Variants in GDAP2 observed in about 807,000 individuals in gnomAD.
GDAP2 encodes ganglioside induced differentiation associated protein 2.
GDAP2 carries 51 observed loss-of-function variants against 67.0 expected under a neutral mutation model. The observed-to-expected ratio is 0.76, with a 90% CI of 0.61 to 0.96. The LOEUF (loss-of-function observed/expected upper bound fraction) is 0.96. Among genes scored for constraint, GDAP2 ranks in the 40% least tolerant of loss-of-function variants. The probability of loss-of-function intolerance (pLI) is 0.00; values close to 1 mark genes in which losing one functional copy is unlikely to be tolerated. For synonymous variants in GDAP2, 203 were observed against 207.3 expected, an observed-to-expected ratio of 0.98 and a Z score of 0.18; for missense variants, 547 against 588.3, an observed-to-expected ratio of 0.93 and a Z score of 0.73.
At chr1:117,920,509 G>C in intron 1 of GDAP2, 85 bp from the exon 2 acceptor site, 1 of 518,804 alleles carries the variant, frequency 1.9e-6, no homozygotes, top group South Asian at 3.8e-5. Flanking sequence ...AAATTCCACT[G>C]TGAAATATCC....
At chr1:117,889,329 G>C (rs937343072) in intron 8 of GDAP2, among the ~76,000 whole-genome samples, 6 of 151,462 alleles carry the variant, frequency 4.0e-5, no homozygotes, top group African/African-American at 1.5e-4. Context: ...TTTTTGGTGA[G>C]AACAGTTAAA....
Position 117,920,347 on chromosome 1 carries a change from A to G in GDAP2, c.11T>C (p.Leu4Ser). Reference sequence around the variant, plus strand: ...ATCCACAAACTGGGAAGGTGCACCTAAGGGATCCATGGAATGGGAACTTTG... The same window carrying G: ...ATCCACAAACTGGGAAGGTGCACCTGAGGGATCCATGGAATGGGAACTTTG... MDP[L>S]GAPSQFVDVD... Residue 4 changes from leucine (L) to serine (S), a missense_variant, in exon 2 of 14, where the codon TTA becomes TCA. Coordinates refer to ENST00000369443, the MANE Select transcript of GDAP2 (RefSeq NM_017686.4). 1.3e-6 allele frequency: 2 copies of G among 1,596,774 alleles called. No homozygotes were observed. Among genetic ancestry groups the G allele is most frequent in the Non-Finnish European group, 1.7e-6 (2 of 1,172,538 alleles).
Position 117,865,708 on chromosome 1 carries a change from T to C in GDAP2, c.*4861A>G, listed in dbSNP as rs1648033737. 1.3e-5 allele frequency: 2 copies of C among 152,246 alleles called. No homozygotes were observed. Among genetic ancestry groups the C allele is most frequent in the Admixed American group, 6.5e-5 (1 of 15,288 alleles). The allele number at this position is 152,246 out of a possible 1,614,324, so 9.4% of individuals were successfully genotyped here. The stretch of plus-strand genomic sequence containing the variant: ...TTGTTAGTGTAATTCACCTACAGAA[T>C]ACCTATGCTTTTCTTCCTGAACTCA... On this transcript the variant is annotated 3_prime_UTR_variant, in exon 14 of 14. Transcript: ENST00000369443.
At chr1:117,887,407 G>T (rs1433733870) in intron 9 of GDAP2, among the ~76,000 whole-genome samples, 3 of 152,098 alleles carry the variant, frequency 2.0e-5, no homozygotes, top group Non-Finnish European at 4.4e-5. Context: ...TTTACGTAAG[G>T]TTTGAATTTT....
intron 3 of GDAP2, among the ~76,000 whole-genome samples, chr1:117,915,793 T>C (rs1451792896): frequency 6.6e-6 from 1 of 151,666 alleles, no homozygotes; most frequent in African/African-American, 2.4e-5. Flanking sequence ...CAACCCTGCC[T>C]ATTCTAATTT....
chr1:117,876,083 T>C (rs928899280), intron 13 of GDAP2, among the ~76,000 whole-genome samples: 3 of 152,104 alleles, frequency 2.0e-5, no homozygotes, highest in African/African-American at 2.4e-5. Context: ...TTTTGGATAT[T>C]TGACCCTCTA....
intron 1 of GDAP2, among the ~76,000 whole-genome samples, chr1:117,927,598 T>C (rs1432834080): frequency 1.3e-5 from 2 of 152,226 alleles, no homozygotes; most frequent in South Asian, 2.1e-4. Context: ...CATGAGGATA[T>C]GTGTGCATAC....
rs760168079 is a variant in GDAP2 at position 117,899,178 on chromosome 1, C to A, written c.675G>T (p.Arg225Ser). Residue 225 changes from arginine (R) to serine (S), a missense_variant, in exon 7 of 14, where the codon AGG (arginine) becomes AGT (serine). Coordinates refer to ENST00000369443, the MANE Select transcript of GDAP2 (RefSeq NM_017686.4). ...YQKLLPLYFP[R>S]SLKEENRSLP... ...ATGATCGATTCTCCTCTTTTAATGA[C>A]CTTGGGAAGTAGAGAGGTAGCAGCT... The A allele has an allele frequency of 6.2e-7, 1 of 1,611,976 alleles. No individual in the cohort carries two copies. The highest frequency in any genetic ancestry group is 1.1e-5 in the South Asian group (1 of 91,032).
chr1:117,892,592 G>A (rs762982640), intron 8 of GDAP2, among the ~76,000 whole-genome samples: 16 of 151,578 alleles, frequency 1.1e-4, no homozygotes, highest in Admixed American at 5.3e-4. Flanking sequence ...ATAAATAATC[G>A]TACAAAATAT....
At chr1:117,886,939 C>T (rs1267498886) in intron 9 of GDAP2, among the ~76,000 whole-genome samples, 3 of 151,968 alleles carry the variant, frequency 2.0e-5, no homozygotes, top group Non-Finnish European at 4.4e-5. Context: ...TTATTATTTT[C>T]TAGAGACAGG....
chr1:117,877,117 A>G (rs1648487885), intron 13 of GDAP2: 1 of 174,664 alleles, frequency 5.7e-6, no homozygotes, highest in South Asian at 1.9e-4. Context: ...TCTGTATAAC[A>G]GCCAAATATG....
intron 3 of GDAP2, among the ~76,000 whole-genome samples, chr1:117,913,264 T>C (rs1444438130): frequency 2.0e-5 from 3 of 152,140 alleles, no homozygotes; most frequent in African/African-American, 7.2e-5. Context: ...GGCTCAGAAA[T>C]TGGAGCCCTA....
At chr1:117,889,980 G>A (rs1649010465) in intron 8 of GDAP2, among the ~76,000 whole-genome samples, 1 of 152,074 alleles carries the variant, frequency 6.6e-6, no homozygotes, top group African/African-American at 2.4e-5. Context: ...TTTGCTAAAT[G>A]AAATAATAAA....
chr1:117,899,821 A>G (rs1649386118), intron 6 of GDAP2, among the ~76,000 whole-genome samples: 1 of 152,174 alleles, frequency 6.6e-6, no homozygotes, highest in Admixed American at 6.5e-5. Flanking sequence ...AGCATTTTGC[A>G]TTTTCATCTT....
At chr1:117,872,281 G>A (rs759094263) in intron 13 of GDAP2, among the ~76,000 whole-genome samples, 31 of 152,126 alleles carry the variant, frequency 2.0e-4, no homozygotes, top group Non-Finnish European at 3.8e-4. Flanking sequence ...AGACAGTGTG[G>A]TGATTCCTCA....
At chr1:117,896,507 A>AT (rs1649270045) in intron 8 of GDAP2, 1 of 186,322 alleles carries the variant, frequency 5.4e-6, no homozygotes, top group Non-Finnish European at 1.1e-5. Flanking sequence ...TAAAAGCTTT[A>AT]TAACTGCCTT....
At chr1:117,920,737 GAA>G (rs34582428) in intron 1 of GDAP2, among the ~76,000 whole-genome samples, 141 of 120,298 alleles carry the variant, frequency 1.2e-3, no homozygotes, top group African/African-American at 3.5e-3. Context: ...GCCTACTATT[GAA>G]AAAAAAAAAA....
chr1:117,905,486 G>GT (rs1649624767), intron 6 of GDAP2, among the ~76,000 whole-genome samples: 1 of 152,100 alleles, frequency 6.6e-6, no homozygotes, highest in Non-Finnish European at 1.5e-5. Flanking sequence ...TTCAACTTAT[G>GT]TATCACTTCC....
chr1:117,927,091 A>G (rs1167052790), intron 1 of GDAP2, among the ~76,000 whole-genome samples: 2 of 152,220 alleles, frequency 1.3e-5, no homozygotes, highest in African/African-American at 4.8e-5. Flanking sequence ...TAATGAATCA[A>G]ATCTATTTCC....
Sources: allele counts gnomAD v4.1 joint callset (sites outside exome capture counted in the v4.1 genomes callset), GRCh38; gene constraint gnomAD v4.1.1; transcripts MANE v1.5; gene names NCBI Gene and HGNC (gene_info 2026-07-23, HGNC 2026-07-21).